Variants in DPP6 observed in about 807,000 individuals in gnomAD.
DPP6 encodes the protein A-type potassium channel modulatory protein DPP6.
DPP6 carries 69 observed loss-of-function variants against 122.6 expected under a neutral mutation model. That is an observed-to-expected ratio of 0.56 (90% CI 0.46 to 0.69). The LOEUF (loss-of-function observed/expected upper bound fraction) is 0.69. Among genes scored for constraint, DPP6 ranks in the 30% least tolerant of loss-of-function variants. DPP6 has a pLI of 0.00. For synonymous variants in DPP6, 418 were observed against 433.1 expected (o/e 0.97, Z 0.43); for missense variants, 928 against 1,116.9 (o/e 0.83, Z 2.41).
intron 1 of DPP6, among the ~76,000 whole-genome samples, chr7:154,201,659 T>C (rs1220923551): frequency 6.6e-6 from 1 of 152,140 alleles, no homozygotes; most frequent in Non-Finnish European, 1.5e-5. Context: ...TACCCTCTAG[T>C]GTATGTGTAA....
At chr7:153,761,812 G>T in the DPP6 span, among the ~76,000 whole-genome samples, 1 of 152,078 alleles carries the variant, frequency 6.6e-6, no homozygotes, top group African/African-American at 2.4e-5. Flanking sequence ...TGGACTCCTT[G>T]CTATTATTCC....
chr7:154,024,271 A>G (rs1168656095), intron 1 of DPP6, among the ~76,000 whole-genome samples: 1 of 152,216 alleles, frequency 6.6e-6, no homozygotes, highest in East Asian at 1.9e-4. Flanking sequence ...TGATCAGTAG[A>G]TATAGTTATA....
intron 1 of DPP6, among the ~76,000 whole-genome samples, chr7:154,180,756 C>T (rs1288446693): frequency 6.6e-6 from 1 of 151,820 alleles, no homozygotes; most frequent in African/African-American, 2.4e-5. Flanking sequence ...TATCAGAAAC[C>T]TCCATGTTCT....
chr7:154,473,055 G>A (rs1822426100), intron 2 of DPP6, among the ~76,000 whole-genome samples: 1 of 152,132 alleles, frequency 6.6e-6, no homozygotes, highest in Non-Finnish European at 1.5e-5. Flanking sequence ...GATACCTTAA[G>A]TTGCATGGCT....
At chr7:154,636,702 A>T (rs1408250534) in intron 5 of DPP6, among the ~76,000 whole-genome samples, 1 of 152,124 alleles carries the variant, frequency 6.6e-6, no homozygotes, top group African/African-American at 2.4e-5. Flanking sequence ...GACCATTGTG[A>T]TTTTCGAGAA....
the DPP6 span, among the ~76,000 whole-genome samples, chr7:153,823,848 T>C: frequency 3.9e-5 from 6 of 152,054 alleles, no homozygotes; most frequent in African/African-American, 1.4e-4. Flanking sequence ...CTGCAGTCAA[T>C]TCCCCCACGA....
At chr7:154,627,003 T>TC in intron 5 of DPP6, among the ~76,000 whole-genome samples, 1 of 45,904 alleles carries the variant, frequency 2.2e-5, no homozygotes, top group African/African-American at 1.3e-4. Context: ...ATTTTTTCTT[T>TC]TTTTTTTTTT....
intron 1 of DPP6, among the ~76,000 whole-genome samples, chr7:154,309,923 A>G (rs1020886106): frequency 6.6e-6 from 1 of 151,816 alleles, no homozygotes; most frequent in Non-Finnish European, 1.5e-5. Context: ...CATGGTCTAA[A>G]TTATCTAAGA....
At chr7:154,443,367 T>A (rs530294163) in intron 1 of DPP6, among the ~76,000 whole-genome samples, 16 of 151,100 alleles carry the variant, frequency 1.1e-4, no homozygotes, top group East Asian at 3.9e-4. Context: ...AAAAAAAAAA[T>A]GAAAGCCATT....
chr7:153,952,761 A>G (rs1412437250), intron 1 of DPP6, among the ~76,000 whole-genome samples: 1 of 152,254 alleles, frequency 6.6e-6, no homozygotes, highest in Admixed American at 6.5e-5. Context: ...ATAGTAAATC[A>G]CATCCTTCAC....
the DPP6 span, among the ~76,000 whole-genome samples, chr7:153,837,361 C>A: frequency 7.9e-5 from 12 of 152,136 alleles, no homozygotes; most frequent in Admixed American, 7.9e-4. Context: ...AATCTAGCAT[C>A]GCTACAATTC....
chr7:154,013,531 A>C (rs1306821438), intron 1 of DPP6, among the ~76,000 whole-genome samples: 2 of 150,440 alleles, frequency 1.3e-5, no homozygotes, highest in Non-Finnish European at 3.0e-5. Context: ...AACCAAATAT[A>C]GTTAAAACAG....
chr7:154,201,603 G>A (rs185135512), intron 1 of DPP6, among the ~76,000 whole-genome samples: 124 of 152,282 alleles, frequency 8.1e-4, no homozygotes, highest in Non-Finnish European at 1.6e-3. Context: ...CAGGTCCCAC[G>A]CCGGACTGTG....
intron 1 of DPP6, among the ~76,000 whole-genome samples, chr7:154,277,170 A>G (rs1475635600): frequency 1.3e-5 from 2 of 152,162 alleles, no homozygotes; most frequent in Non-Finnish European, 2.9e-5. Context: ...TTTTTTTTCC[A>G]CTGTGTACAT....
chr7:154,461,372 G>T (rs1821287221), intron 2 of DPP6, among the ~76,000 whole-genome samples: 1 of 151,950 alleles, frequency 6.6e-6, no homozygotes, highest in African/African-American at 2.4e-5. Context: ...CTTTCTTTTG[G>T]GTACATACCT....
At chr7:154,315,516 G>A (rs540800868) in intron 1 of DPP6, among the ~76,000 whole-genome samples, 77 of 152,078 alleles carry the variant, frequency 5.1e-4, no homozygotes, top group African/African-American at 1.7e-3. Context: ...CGTCTCTGTG[G>A]TCACCATGGT....
chr7:153,908,170 C>T (rs1230344773), intron 1 of DPP6, among the ~76,000 whole-genome samples: 1 of 151,664 alleles, frequency 6.6e-6, no homozygotes, highest in African/African-American at 2.4e-5. Context: ...ACCACTTGTG[C>T]AAGGTACTGT....
At chr7:154,772,819 T>C (rs1796324298) in intron 9 of DPP6, 26 bp from the exon 10 acceptor site, 2 of 1,605,578 alleles carry the variant, frequency 1.2e-6, no homozygotes, top group Non-Finnish European at 1.7e-6. Context: ...TGCTTGTTCA[T>C]GTCTCTGCCC....
chr7:153,921,558 G>A (rs1436826074), intron 1 of DPP6, among the ~76,000 whole-genome samples: 1 of 152,204 alleles, frequency 6.6e-6, no homozygotes, highest in Non-Finnish European at 1.5e-5. Context: ...AGTAAAGTGT[G>A]TGACGTGTCT....
Sources: allele counts gnomAD v4.1 joint callset (sites outside exome capture counted in the v4.1 genomes callset), GRCh38; gene constraint gnomAD v4.1.1; transcripts MANE v1.5; gene names NCBI Gene and HGNC (gene_info 2026-07-23, HGNC 2026-07-21).